Variants in PLCXD3 observed in about 807,000 individuals in gnomAD.
The protein encoded by PLCXD3 is phosphatidylinositol specific phospholipase C X domain containing 3.
In PLCXD3, 19 loss-of-function variants were observed where a neutral mutation model predicts 25.5. The observed-to-expected ratio is 0.75, with a 90% confidence interval of 0.52 to 1.09. The LOEUF (loss-of-function observed/expected upper bound fraction) is 1.09, where lower values mean the gene tolerates loss of function less well. Ranked by LOEUF, PLCXD3 falls within the 50% of genes least tolerant of loss-of-function variation. PLCXD3 has a pLI of 0.00. For synonymous variants in PLCXD3, 174 were observed against 137.6 expected, an observed-to-expected ratio of 1.26 and a Z score of -1.85; for missense variants, 411 against 388.1, an observed-to-expected ratio of 1.06 and a Z score of -0.50.
chr5:41,469,280 A>C (rs944927549), intron 1 of PLCXD3, among the ~76,000 whole-genome samples: 2 of 152,086 alleles, frequency 1.3e-5, no homozygotes, highest in African/African-American at 2.4e-5. Context: ...TGGTTTGATA[A>C]TATTTTGTTG....
chr5:41,507,906 T>C (rs1245576783), intron 1 of PLCXD3, among the ~76,000 whole-genome samples: 2 of 152,216 alleles, frequency 1.3e-5, no homozygotes, highest in Non-Finnish European at 2.9e-5. Flanking sequence ...CAATTAGTCT[T>C]CTCTGACTAT....
intron 2 of PLCXD3, among the ~76,000 whole-genome samples, chr5:41,379,693 A>G (rs1035937870): frequency 1.3e-5 from 2 of 152,078 alleles, no homozygotes; most frequent in South Asian, 4.1e-4. Context: ...TATGTACATT[A>G]TTGTGATTAT....
At chr5:41,493,033 A>G (rs1298522985) in intron 1 of PLCXD3, among the ~76,000 whole-genome samples, 1 of 151,506 alleles carries the variant, frequency 6.6e-6, no homozygotes, top group Non-Finnish European at 1.5e-5. Flanking sequence ...CAGTTTTTCT[A>G]CTCTGTTTTT....
chr5:41,350,471 G>A (rs1744427601), intron 2 of PLCXD3, among the ~76,000 whole-genome samples: 1 of 152,288 alleles, frequency 6.6e-6, no homozygotes, highest in Admixed American at 6.5e-5. Context: ...CATAGGAAGA[G>A]TATACTATGA....
intron 1 of PLCXD3, among the ~76,000 whole-genome samples, chr5:41,508,849 C>T (rs1276653987): frequency 6.6e-6 from 1 of 152,200 alleles, no homozygotes; most frequent in Non-Finnish European, 1.5e-5. Flanking sequence ...TGGAGTTATG[C>T]CAAAGTTGTG....
At chr5:41,327,909 G>C (rs563453014) in intron 2 of PLCXD3, among the ~76,000 whole-genome samples, 1 of 152,102 alleles carries the variant, frequency 6.6e-6, no homozygotes, top group Non-Finnish European at 1.5e-5. Flanking sequence ...GGACTCAAGC[G>C]ATCCTCCTGC....
chr5:41,330,792 T>A (rs572365664), intron 2 of PLCXD3, among the ~76,000 whole-genome samples: 1 of 152,224 alleles, frequency 6.6e-6, no homozygotes, highest in East Asian at 1.9e-4. Flanking sequence ...TGGTTCAATA[T>A]ATGCAAATCA....
chr5:41,405,445 T>C (rs1403091927), intron 1 of PLCXD3, among the ~76,000 whole-genome samples: 1 of 152,162 alleles, frequency 6.6e-6, no homozygotes, highest in Non-Finnish European at 1.5e-5. Context: ...TATCAAGTAA[T>C]AATTATTGTT....
intron 1 of PLCXD3, among the ~76,000 whole-genome samples, chr5:41,387,492 AC>A (rs765894810): frequency 1.6e-4 from 24 of 152,144 alleles, no homozygotes; most frequent in Non-Finnish European, 3.4e-4. Flanking sequence ...TACGAGTATT[AC>A]AGTATAGTTG....
At chr5:41,470,815 G>A (rs986120336) in intron 1 of PLCXD3, among the ~76,000 whole-genome samples, 2 of 152,128 alleles carry the variant, frequency 1.3e-5, no homozygotes, top group African/African-American at 4.8e-5. Flanking sequence ...CCAAACAACT[G>A]GGGAGATGTC....
At chr5:41,337,457 C>T (rs1458607256) in intron 2 of PLCXD3, among the ~76,000 whole-genome samples, 1 of 152,160 alleles carries the variant, frequency 6.6e-6, no homozygotes, top group Non-Finnish European at 1.5e-5. Context: ...CTCTGTTCAG[C>T]TTCATGTCCC....
chr5:41,424,740 T>C lies in PLCXD3; in HGVS notation c.104-42206A>G, dbSNP rs188270651. The stretch of plus-strand genomic sequence containing the variant: ...TAAATAAGGAATTTGTTGTGTATAA[T>C]ATGTGTTACTTAGTATTTGTTGAGA... On this transcript the variant is annotated intron_variant, in intron 1 of 2. Coordinates refer to ENST00000377801, the MANE Select transcript of PLCXD3 (RefSeq NM_001005473.3). Among the ~76,000 whole-genome samples, 405 of 152,348 alleles carry C rather than the reference T, an allele frequency of 2.7e-3. 2 individuals carry two copies. The highest frequency in any genetic ancestry group is 8.7e-3 in the African/African-American group (362 of 41,574).
At chr5:41,347,640 A>G (rs1195647238) in intron 2 of PLCXD3, among the ~76,000 whole-genome samples, 1 of 152,196 alleles carries the variant, frequency 6.6e-6, no homozygotes, top group Non-Finnish European at 1.5e-5. Flanking sequence ...GGCAGCTATT[A>G]AAGGAAGACA....
At chr5:41,490,792 A>AT (rs1472903341) in intron 1 of PLCXD3, among the ~76,000 whole-genome samples, 4 of 151,918 alleles carry the variant, frequency 2.6e-5, no homozygotes, top group South Asian at 4.2e-4. Flanking sequence ...CCCCTTTGTC[A>AT]TTTTTTACTG....
intron 1 of PLCXD3, among the ~76,000 whole-genome samples, chr5:41,435,944 C>A (rs1747239450): frequency 6.6e-6 from 1 of 152,154 alleles, no homozygotes; most frequent in Admixed American, 6.5e-5. Context: ...CTGAATAGTG[C>A]CTCTGCACCT....
rs1165095578 is a variant in PLCXD3 at position 41,488,302 on chromosome 5, C to T, written c.103+22122G>A. 9.7e-3 allele frequency among the ~76,000 whole-genome samples: 1,313 copies of T among 134,994 alleles called. 17 individuals are homozygous for T. The highest frequency in any genetic ancestry group is 0.036 in the African/African-American group (1,233 of 34,152). The allele number at this position is 134,994 out of a possible 152,430, so 88.6% of individuals were successfully genotyped here. A position where few individuals can be genotyped will look rare whatever the true frequency, so the allele number is the denominator to read the frequency against. On this transcript the variant is annotated intron_variant, in intron 1 of 2. Transcript: ENST00000377801. ...CATAGTATTCCATGGTGTATATGTG[C>T]CACATTTTCTTAATCCAGTCTATCA...
At chr5:41,489,107 T>G (rs1748589433) in intron 1 of PLCXD3, among the ~76,000 whole-genome samples, 2 of 152,282 alleles carry the variant, frequency 1.3e-5, no homozygotes, top group South Asian at 4.1e-4. Context: ...GATTTTTGTA[T>G]AAGGTGTAAG....
At chr5:41,340,593 G>A (rs946427236) in intron 2 of PLCXD3, among the ~76,000 whole-genome samples, 4 of 152,114 alleles carry the variant, frequency 2.6e-5, no homozygotes, top group Non-Finnish European at 5.9e-5. Context: ...TGATGACTGC[G>A]TGCATCCGTT....
At chr5:41,445,838 G>A (rs759346003) in intron 1 of PLCXD3, among the ~76,000 whole-genome samples, 1 of 152,002 alleles carries the variant, frequency 6.6e-6, no homozygotes, top group Non-Finnish European at 1.5e-5. Flanking sequence ...AAATAATCAT[G>A]ATAAGTAATT....
Sources: gnomAD v4.1 joint callset for allele counts (sites outside exome capture counted in the v4.1 genomes callset) on GRCh38, gnomAD v4.1.1 for gene constraint, MANE v1.5 for transcripts, NCBI Gene and HGNC (gene_info 2026-07-23, HGNC 2026-07-21) for gene names.